The following RPIA variants were observed in gnomAD, a reference collection of about 807,000 sequenced individuals.
RPIA encodes ribose-5-phosphate isomerase.
Under a neutral mutation model 37.8 loss-of-function variants are expected in RPIA, and 29 were observed. That is an observed-to-expected ratio of 0.77 (90% CI 0.57 to 1.05). The LOEUF (loss-of-function observed/expected upper bound fraction) is 1.05, where lower values mean the gene tolerates loss of function less well. RPIA is among the 50% of genes least tolerant of loss of function. The probability of loss-of-function intolerance (pLI) is 0.00; values close to 1 mark genes in which losing one functional copy is unlikely to be tolerated. For synonymous variants in RPIA, 167 were observed against 157.0 expected, an observed-to-expected ratio of 1.06 and a Z score of -0.48; for missense variants, 385 against 413.6, an observed-to-expected ratio of 0.93 and a Z score of 0.60.
intron 3 of RPIA, among the ~76,000 whole-genome samples, chr2:88,714,315 A>G (rs1243647712): frequency 6.6e-6 from 1 of 152,048 alleles, no homozygotes; most frequent in Admixed American, 6.5e-5. Context: ...GATTACAGGC[A>G]CCTGCCACCA....
In RPIA at chr2:88,699,903, TG is replaced by T. The variant is rs1220747796; in HGVS notation, c.347-103del. 6 of 1,205,754 alleles carry T rather than the reference TG, an allele frequency of 5.0e-6. No individual in the cohort carries two copies. In the Admixed American group the frequency reaches 1.0e-4, roughly 21 times the overall value. 74.7% of individuals were successfully genotyped at this position (1,205,754 alleles called of 1,614,324 possible). On this transcript the variant is annotated intron_variant, in intron 2 of 8. Transcript: ENST00000283646. ...ACACAGGATGAAAGGCAGCTGTCTT[TG>T]GGAAATAGACCTTCCCTTGTCTGTT...
intron 3 of RPIA, among the ~76,000 whole-genome samples, chr2:88,726,202 G>T (rs530667515): frequency 1.5e-4 from 23 of 152,250 alleles, no homozygotes; most frequent in Non-Finnish European, 2.8e-4. Flanking sequence ...CCAGGCTTTG[G>T]TCAGGTACTG....
intron 3 of RPIA, among the ~76,000 whole-genome samples, chr2:88,706,835 G>A (rs1282743025): frequency 6.6e-6 from 1 of 152,092 alleles, no homozygotes; most frequent in Non-Finnish European, 1.5e-5. Context: ...ATTTAATATG[G>A]CCTTTCAACT....
chr2:88,702,196 A>G (rs762987443), intron 3 of RPIA, among the ~76,000 whole-genome samples: 28 of 152,236 alleles, frequency 1.8e-4, no homozygotes, highest in Non-Finnish European at 3.4e-4. Flanking sequence ...GTATTACTTC[A>G]TCGTAAAAGT....
chr2:88,710,225 T>C (rs564955129), intron 3 of RPIA, among the ~76,000 whole-genome samples: 14 of 152,216 alleles, frequency 9.2e-5, no homozygotes, highest in Non-Finnish European at 1.9e-4. Context: ...TAAAAATTTT[T>C]TGTAGAGACG....
chr2:88,726,056 T>G (rs1418336847), intron 3 of RPIA, among the ~76,000 whole-genome samples: 1 of 152,160 alleles, frequency 6.6e-6, no homozygotes, highest in Non-Finnish European at 1.5e-5. Flanking sequence ...TGTTGCTTAT[T>G]GTCTGTTGGG....
Position 88,750,108 on chromosome 2 carries a change from G to A in RPIA, c.*30G>A, listed in dbSNP as rs1394511583. 6.6e-7 allele frequency: 1 copy of A among 1,517,802 alleles called. No individual in the cohort carries two copies. Among genetic ancestry groups the A allele is most frequent in the Non-Finnish European group, 9.1e-7 (1 of 1,094,930 alleles). 94.0% of individuals were successfully genotyped at this position (1,517,802 alleles called of 1,614,324 possible). A position where few individuals can be genotyped will look rare whatever the true frequency, so the allele number is the denominator to read the frequency against. ...GCAAGGAGCAGAGTGTGTTCACCTTGAGTCTCCAGCCCACAGCCAAGGTGG... is the reference window on the plus strand; with the variant it reads ...GCAAGGAGCAGAGTGTGTTCACCTTAAGTCTCCAGCCCACAGCCAAGGTGG... On this transcript the variant is annotated 3_prime_UTR_variant, in exon 9 of 9. Coordinates refer to ENST00000283646, the MANE Select transcript of RPIA (RefSeq NM_144563.3).
At chr2:88,722,165 T>C (rs1253154983) in intron 3 of RPIA, among the ~76,000 whole-genome samples, 3 of 127,776 alleles carry the variant, frequency 2.3e-5, no homozygotes, top group African/African-American at 3.9e-5. Context: ...AAAAAAACCC[T>C]TTTTTTTTAT....
chr2:88,691,820 T>C lies in RPIA; in HGVS notation c.122T>C (p.Val41Ala), dbSNP rs1676937419. ...GNSWDLPGSH[V>A]RLPGRAQSGT... ...AGCTGGGACCTCCCGGGTTCCCACGTGCGGCTGCCGGGGCGTGCACAGTCT... is the reference window on the plus strand; with the variant it reads ...AGCTGGGACCTCCCGGGTTCCCACGCGCGGCTGCCGGGGCGTGCACAGTCT... Residue 41 changes from valine to alanine, a missense_variant, in exon 1 of 9, where the codon GTG becomes GCG. Val to Ala is a moderately conservative substitution (Grantham distance 64). Coordinates refer to ENST00000283646, the MANE Select transcript of RPIA (RefSeq NM_144563.3). 6.3e-7 allele frequency: 1 copy of C among 1,597,114 alleles called. No individual in the cohort carries two copies. The highest frequency in any genetic ancestry group is 1.8e-5 in the Admixed American group (1 of 57,070).
intron 3 of RPIA, among the ~76,000 whole-genome samples, chr2:88,721,626 A>T (rs1486467657): frequency 2.1e-5 from 3 of 140,420 alleles, no homozygotes; most frequent in Non-Finnish European, 4.6e-5. Context: ...AATAGCAAAG[A>T]CTTGGAACCA....
chr2:88,705,089 C>G (rs1459504519), intron 3 of RPIA, among the ~76,000 whole-genome samples: 2 of 152,172 alleles, frequency 1.3e-5, no homozygotes, highest in African/African-American at 2.4e-5. Context: ...GGAAAACATT[C>G]CATGCCCATG....
At chr2:88,729,152 G>A in intron 3 of RPIA, 126 bp from the exon 4 acceptor site, 1 of 924,818 alleles carries the variant, frequency 1.1e-6, no homozygotes, top group South Asian at 1.4e-5. Context: ...ACCTCATGGT[G>A]GGCCATGCTG....
intron 6 of RPIA, 98 bp from the exon 7 acceptor site, chr2:88,736,437 C>A: frequency 2.2e-6 from 3 of 1,345,310 alleles, no homozygotes; most frequent in Non-Finnish European, 2.1e-6. Flanking sequence ...CTTTCCTTGC[C>A]TTCCCACCAT....
rs1056852032 is a variant in RPIA, at chr2:88,749,067, T to C, written c.839-914T>C. Among the ~76,000 whole-genome samples the C allele has an allele frequency of 5.9e-5, 9 of 152,206 alleles. No individual in the cohort carries two copies. In the East Asian group the frequency reaches 1.3e-3, roughly 23 times the overall value. ...ACTCTTGATGGACATTTGGGTATTA[T>C]CAGTTTTTAGCTAATAGGAAAAGTG... is the stretch of plus-strand genomic sequence containing the variant. On this transcript the variant is annotated intron_variant, in intron 8 of 8. Coordinates refer to ENST00000283646, the MANE Select transcript of RPIA (RefSeq NM_144563.3).
intron 3 of RPIA, among the ~76,000 whole-genome samples, chr2:88,713,135 T>C (rs1168289050): frequency 1.4e-5 from 2 of 141,820 alleles, no homozygotes; most frequent in Non-Finnish European, 3.0e-5. Context: ...TTTTTTTTTT[T>C]TCAAGCTACG....
chr2:88,718,788 A>G (rs1453778652), intron 3 of RPIA, among the ~76,000 whole-genome samples: 1 of 152,188 alleles, frequency 6.6e-6, no homozygotes, highest in African/African-American at 2.4e-5. Context: ...AATACTCCCC[A>G]AGTTTTATAG....
intron 3 of RPIA, among the ~76,000 whole-genome samples, chr2:88,701,529 A>T (rs961321492): frequency 4.8e-5 from 1 of 20,674 alleles, no homozygotes; most frequent in Non-Finnish European, 1.0e-4. Flanking sequence ...ACCACTACCT[A>T]GAAAGCACAC....
chr2:88,750,125 C>G lies in RPIA; in HGVS notation c.*47C>G. On this transcript the variant is annotated 3_prime_UTR_variant, in exon 9 of 9. Coordinates refer to ENST00000283646, the MANE Select transcript of RPIA (RefSeq NM_144563.3). ...TTCACCTTGAGTCTCCAGCCCACAGCCAAGGTGGACGTACCTCTCCAGGAG... is the reference window on the plus strand; with the variant it reads ...TTCACCTTGAGTCTCCAGCCCACAGGCAAGGTGGACGTACCTCTCCAGGAG... 7.4e-7 allele frequency: 1 copy of G among 1,351,194 alleles called. No homozygotes were observed. The highest frequency in any genetic ancestry group is 1.1e-6 in the Non-Finnish European group (1 of 943,202). The allele number at this position is 1,351,194 out of a possible 1,614,324, so 83.7% of individuals were successfully genotyped here.
chr2:88,704,083 G>A (rs1672869283), intron 3 of RPIA, among the ~76,000 whole-genome samples: 1 of 151,988 alleles, frequency 6.6e-6, no homozygotes, highest in African/African-American at 2.4e-5. Context: ...TTTCCATATC[G>A]CTATCAGCAT....
Sources: gnomAD v4.1 joint callset for allele counts (sites outside exome capture counted in the v4.1 genomes callset) on GRCh38, gnomAD v4.1.1 for gene constraint, MANE v1.5 for transcripts, NCBI Gene and HGNC (gene_info 2026-07-23, HGNC 2026-07-21) for gene names.